RASA2: variants seen among roughly 807,000 people sequenced by gnomAD.
The protein encoded by RASA2 is ras GTPase-activating protein 2.
A neutral mutation model predicts 118.2 loss-of-function variants in RASA2; 155 were observed. The ratio of observed to expected loss-of-function variants is 1.31; its 90% CI spans 1.15 to 1.50. The LOEUF is 1.50. Among genes scored for constraint, RASA2 ranks in the 40% most tolerant of loss-of-function variants. The pLI is 0.00. For synonymous variants in RASA2, 353 were observed against 349.1 expected (o/e 1.01, Z -0.12); for missense variants, 1,016 against 1,009.6 (o/e 1.01, Z -0.09).
At chr3:141,513,022 C>T (rs1380203304) in intron 2 of RASA2, among the ~76,000 whole-genome samples, 1 of 148,158 alleles carries the variant, frequency 6.7e-6, no homozygotes, top group Non-Finnish European at 1.5e-5. Context: ...AAGATTATGC[C>T]ATTGGACTCT....
chr3:141,513,081 C>CA lies in RASA2; in HGVS notation c.251+808dup, dbSNP rs200201086. 1.2e-4 allele frequency among the ~76,000 whole-genome samples: 16 copies of CA among 138,960 alleles called. No individual in the cohort carries two copies. The South Asian group carries it at 3.1e-3, about 27-fold the overall frequency. The allele number at this position is 138,960 out of a possible 152,430, so 91.2% of individuals were successfully genotyped here. A position where few individuals can be genotyped will look rare whatever the true frequency, so the allele number is the denominator to read the frequency against. On this transcript the variant is annotated intron_variant, in intron 2 of 23. Coordinates refer to ENST00000286364, the MANE Select transcript of RASA2 (RefSeq NM_006506.5). ...TCCATCTCAGAAAAAAAAAAAAAAA[C>CA]AAAAAAACGAAAAACAGGGTGTGGG...
In RASA2 at chr3:141,572,650, G is replaced by C; in HGVS notation, c.1211G>C (p.Arg404Pro). 6.2e-7 allele frequency: 1 copy of C among 1,613,490 alleles called. No homozygotes were observed. Among genetic ancestry groups the C allele is most frequent in the Non-Finnish European group, 8.5e-7 (1 of 1,179,680 alleles). ...TIFRGNSLAT[R>P]CLDEMMKIVG... ...TTTAGAGGAAATTCCCTGGCTACCC[G>C]ATGTCTGGATGAGATGATGAAAATA... The change falls in exon 12 of 24, where the codon CGA (arginine) becomes CCA (proline). Residue 404 changes from arginine (R) to proline (P), a missense_variant. Arg to Pro is a moderately radical substitution (Grantham distance 103, BLOSUM62 -2). This residue lies in a region of RASA2 where 896 missense variants were observed against 836.4 expected (regional missense o/e 1.07). Transcript: ENST00000286364.
intron 19 of RASA2, among the ~76,000 whole-genome samples, chr3:141,599,411 A>T (rs1261716600): frequency 6.6e-6 from 1 of 152,144 alleles, no homozygotes; most frequent in Non-Finnish European, 1.5e-5. Context: ...ACACCCTCTC[A>T]CGTGCACAGA....
intron 3 of RASA2, among the ~76,000 whole-genome samples, chr3:141,520,623 TAC>T (rs879693380): frequency 6.7e-6 from 1 of 150,252 alleles, no homozygotes; most frequent in Non-Finnish European, 1.5e-5. Flanking sequence ...TTATATGATA[TAC>T]AGTTATATAT....
At chr3:141,527,547 C>T (rs755405042) in intron 3 of RASA2, among the ~76,000 whole-genome samples, 1 of 151,906 alleles carries the variant, frequency 6.6e-6, no homozygotes, top group African/African-American at 2.4e-5. Context: ...TTATGCATTG[C>T]CTTAACATTT....
chr3:141,534,591 TG>T (rs1324758322), intron 4 of RASA2, among the ~76,000 whole-genome samples: 11 of 132,122 alleles, frequency 8.3e-5, no homozygotes, highest in Admixed American at 6.3e-4. Flanking sequence ...GTTTTATAGG[TG>T]TTTTTTTTTT....
intron 4 of RASA2, among the ~76,000 whole-genome samples, chr3:141,531,299 T>A (rs952563593): frequency 6.6e-6 from 1 of 151,884 alleles, no homozygotes; most frequent in African/African-American, 2.4e-5. Context: ...GCTAAACAAT[T>A]TAAGAGTTCC....
rs6795622 is a variant in RASA2, at chr3:141,534,260, G to A, written c.450+4458G>A. 8.6e-3 allele frequency among the ~76,000 whole-genome samples: 1,303 copies of A among 152,250 alleles called. 22 individuals carry two copies. The highest frequency in any genetic ancestry group is 0.025 in the African/African-American group (1,046 of 41,538). Reference sequence around the variant, plus strand: ...TTACATATGGTTGATTAACCAGGCCGGGTATGGTGGCCCACTGTAGTCCCA... The same window carrying A: ...TTACATATGGTTGATTAACCAGGCCAGGTATGGTGGCCCACTGTAGTCCCA... On this transcript the variant is annotated intron_variant, in intron 4 of 23. Transcript: ENST00000286364.
At chr3:141,511,506 A>G (rs2081949799) in intron 1 of RASA2, among the ~76,000 whole-genome samples, 1 of 152,186 alleles carries the variant, frequency 6.6e-6, no homozygotes, top group African/African-American at 2.4e-5. Flanking sequence ...AGAAGAGAGC[A>G]TTTTAAAGAG....
In RASA2 at chr3:141,573,182, TATTAA is replaced by T; in HGVS notation, c.1324_1328del (p.Lys442GlufsTer5). 1.3e-6 allele frequency: 2 copies of T among 1,542,608 alleles called. No homozygotes were observed. The highest frequency in any genetic ancestry group is 1.7e-6 in the Non-Finnish European group (2 of 1,155,146). ...CCTCAAAATCCTGTGAAATCGATCC[TATTAA>T]ATTGAAAGAGGGAGATAATGTAGAA... On this transcript the variant is annotated frameshift_variant, in exon 13 of 24. Transcript: ENST00000286364. LOFTEE classifies it high-confidence loss of function.
intron 5 of RASA2, among the ~76,000 whole-genome samples, chr3:141,548,339 T>C (rs1459320182): frequency 6.6e-6 from 1 of 152,232 alleles, no homozygotes; most frequent in Non-Finnish European, 1.5e-5. Flanking sequence ...GACTTTTTAC[T>C]GTGGCTTCAA....
intron 7 of RASA2, among the ~76,000 whole-genome samples, chr3:141,557,010 CAAAG>C (rs2082660214): frequency 6.6e-6 from 1 of 152,032 alleles, no homozygotes; most frequent in Non-Finnish European, 1.5e-5. Flanking sequence ...CTGGAGAAAA[CAAAG>C]AAGGCAGCAA....
chr3:141,559,095 G>A, intron 8 of RASA2, 133 bp downstream of exon 8: 2 of 609,816 alleles, frequency 3.3e-6, no homozygotes, highest in East Asian at 6.0e-5. Context: ...AGAGGAATAT[G>A]CAACTAATTT....
intron 19 of RASA2, among the ~76,000 whole-genome samples, chr3:141,589,780 A>G (rs1384049693): frequency 2.0e-5 from 3 of 151,852 alleles, no homozygotes; most frequent in East Asian, 1.9e-4. Flanking sequence ...GGCGGAGGCT[A>G]CAGTGAGCCA....
chr3:141,514,466 T>C (rs1187824956), intron 2 of RASA2, among the ~76,000 whole-genome samples: 1 of 152,096 alleles, frequency 6.6e-6, no homozygotes, highest in African/African-American at 2.4e-5. Context: ...TAAAAATGTT[T>C]TGTATCTTGA....
intron 19 of RASA2, among the ~76,000 whole-genome samples, chr3:141,593,595 G>T (rs1272221151): frequency 6.6e-6 from 1 of 152,178 alleles, no homozygotes; most frequent in Admixed American, 6.5e-5. Flanking sequence ...AAAGGGGCTA[G>T]TGAAAAGCAA....
At chr3:141,560,106 C>A in intron 9 of RASA2, 111 bp downstream of exon 9, 1 of 774,772 alleles carries the variant, frequency 1.3e-6, no homozygotes, top group Non-Finnish European at 2.0e-6. Flanking sequence ...ATGTAATAAG[C>A]TAAACGTCAT....
rs765405573 is a variant in RASA2, at chr3:141,523,549, A to G, written c.356-6159A>G. Reference sequence around the variant, plus strand: ...TTAGTACAAAATGAGAGAAAAAGAAAAACTTTAAGCATATATTTTTATTTC... The same window carrying G: ...TTAGTACAAAATGAGAGAAAAAGAAGAACTTTAAGCATATATTTTTATTTC... On this transcript the variant is annotated intron_variant, in intron 3 of 23. Transcript: ENST00000286364. Among the ~76,000 whole-genome samples, 69 of 152,240 alleles carry G rather than the reference A, an allele frequency of 4.5e-4. 1 individual carries two copies. Among genetic ancestry groups the G allele is most frequent in the Non-Finnish European group, 1.6e-4 (11 of 68,044 alleles).
chr3:141,573,847 T>A, intron 13 of RASA2, 97 bp from the exon 14 acceptor site: 1 of 1,085,548 alleles, frequency 9.2e-7, no homozygotes, highest in Non-Finnish European at 1.2e-6. Context: ...ATAGTGACTG[T>A]CTAATAAACC....
Sources: allele counts gnomAD v4.1 joint callset (sites outside exome capture counted in the v4.1 genomes callset), GRCh38; gene constraint gnomAD v4.1.1; regional missense constraint gnomAD v4.1.1; transcripts MANE v1.5; gene names NCBI Gene and HGNC (gene_info 2026-07-23, HGNC 2026-07-21).